RB1CC1: variants seen among roughly 807,000 people sequenced by gnomAD.
RB1CC1 encodes RB1-inducible coiled-coil protein 1.
RB1CC1 carries 46 observed loss-of-function variants against 177.5 expected under a neutral mutation model. The observed-to-expected ratio is 0.26, with a 90% CI of 0.20 to 0.33. The LOEUF (loss-of-function observed/expected upper bound fraction) is 0.33, where lower values mean the gene tolerates loss of function less well. Among genes scored for constraint, RB1CC1 ranks in the 10% least tolerant of loss-of-function variants. The pLI, the probability that RB1CC1 is intolerant of heterozygous loss-of-function variation, is 1.00. For synonymous variants in RB1CC1, 666 were observed against 613.6 expected (o/e 1.09, Z -1.26); for missense variants, 1,703 against 1,816.3 (o/e 0.94, Z 1.13).
intron 1 of RB1CC1, among the ~76,000 whole-genome samples, chr8:52,690,670 ATTGTT>A (rs1854769250): frequency 6.6e-6 from 1 of 152,104 alleles, no homozygotes; most frequent in Admixed American, 6.6e-5. Flanking sequence ...TAATCACTGT[ATTGTT>A]TTTTGTTTTC....
intron 7 of RB1CC1, among the ~76,000 whole-genome samples, chr8:52,673,173 CT>C (rs548944809): frequency 6.6e-6 from 1 of 152,168 alleles, no homozygotes; most frequent in Admixed American, 6.5e-5. Context: ...TAACAATTAT[CT>C]TTTGACAACA....
intron 22 of RB1CC1, among the ~76,000 whole-genome samples, chr8:52,626,947 C>G (rs1415257082): frequency 1.3e-5 from 2 of 152,148 alleles, no homozygotes; most frequent in Admixed American, 6.5e-5. Context: ...CCCAGCTACT[C>G]AGGAGGCTGA....
intron 13 of RB1CC1, 126 bp downstream of exon 13, chr8:52,658,747 G>A (rs1851325276): frequency 5.7e-6 from 3 of 529,730 alleles, no homozygotes; most frequent in Non-Finnish European, 9.3e-6. Context: ...TCACAGGAAA[G>A]CCAGTCTATC....
At chr8:52,691,121 T>C (rs1266690548) in intron 1 of RB1CC1, among the ~76,000 whole-genome samples, 7 of 152,230 alleles carry the variant, frequency 4.6e-5, no homozygotes. Flanking sequence ...GATCATCATA[T>C]TGCTTTTAGC....
intron 16 of RB1CC1, 146 bp from the exon 17 acceptor site, chr8:52,642,958 A>T: frequency 1.1e-6 from 1 of 935,952 alleles, no homozygotes; most frequent in Non-Finnish European, 1.4e-6. Context: ...TAAAAATGAA[A>T]ATGTAACATA....
intron 15 of RB1CC1, among the ~76,000 whole-genome samples, chr8:52,648,107 A>T (rs1366627707): frequency 6.6e-6 from 1 of 152,182 alleles, no homozygotes; most frequent in Non-Finnish European, 1.5e-5. Flanking sequence ...GTACACAAAC[A>T]GATATAGACA....
chr8:52,685,124 C>G (rs1309432251), intron 3 of RB1CC1, among the ~76,000 whole-genome samples: 3 of 151,462 alleles, frequency 2.0e-5, no homozygotes, highest in African/African-American at 7.3e-5. Context: ...CTGCCTCAGC[C>G]TCCCGATTAA....
rs191938044 is a variant in RB1CC1, at chr8:52,657,587, G to T, written c.2242C>A (p.Pro748Thr). The change falls in exon 15 of 24, where the codon CCT becomes ACT. Residue 748 changes from proline to threonine, a missense_variant. By Grantham distance (38) the Pro-to-Thr change is conservative. This residue lies in a region of RB1CC1 where 1,169 missense variants were observed against 1,184.7 expected (regional missense o/e 0.99). Transcript: ENST00000025008. ...EFVIEENLSS[P>T]NPISDPQSPE... ...CTTTGTGGATCACTTATAGGATTAGGAGACGACAAATTTTCTTCTATTACA... is the reference window on the plus strand; with the variant it reads ...CTTTGTGGATCACTTATAGGATTAGTAGACGACAAATTTTCTTCTATTACA... 1 of 1,613,918 alleles carries T rather than the reference G, an allele frequency of 6.2e-7. No individual in the cohort carries two copies. Among genetic ancestry groups the T allele is most frequent in the African/African-American group, 1.3e-5 (1 of 74,916 alleles).
At chr8:52,633,912 A>T (rs762935108) in intron 20 of RB1CC1, among the ~76,000 whole-genome samples, 2 of 152,116 alleles carry the variant, frequency 1.3e-5, no homozygotes, top group African/African-American at 2.4e-5. Flanking sequence ...AAGATGGTGA[A>T]ACCCCATCTC....
At chr8:52,623,954 C>A in intron 23 of RB1CC1, 95 bp from the exon 24 acceptor site, 2 of 814,720 alleles carry the variant, frequency 2.5e-6, no homozygotes, top group South Asian at 1.5e-5. Flanking sequence ...CAAAAAGAAA[C>A]AAAAAAATAA....
At chr8:52,677,658 A>C (rs942746708) in intron 5 of RB1CC1, among the ~76,000 whole-genome samples, 3 of 152,204 alleles carry the variant, frequency 2.0e-5, no homozygotes, top group African/African-American at 4.8e-5. Context: ...ACTGTAAAAA[A>C]GCTACTGTAA....
chr8:52,675,175 T>C (rs1291863824), intron 6 of RB1CC1, among the ~76,000 whole-genome samples: 3 of 152,156 alleles, frequency 2.0e-5, no homozygotes, highest in Non-Finnish European at 2.9e-5. Context: ...AAAAGATCTT[T>C]CTAGTCTTAA....
At chr8:52,637,351 G>C (rs537069535) in intron 18 of RB1CC1, among the ~76,000 whole-genome samples, 58 of 152,146 alleles carry the variant, frequency 3.8e-4, no homozygotes, top group African/African-American at 1.3e-3. Flanking sequence ...CTCATTTTTG[G>C]ATGATTCATT....
intron 1 of RB1CC1, among the ~76,000 whole-genome samples, chr8:52,703,057 T>C (rs2360753): frequency 0.44 from 67,550 of 151,808 alleles, 16,473 homozygotes; most frequent in East Asian, 0.83. Context: ...AGAGATCACA[T>C]GCAGGTAGCT....
At chr8:52,645,298 GA>G (rs965260080) in intron 16 of RB1CC1, among the ~76,000 whole-genome samples, 21 of 152,094 alleles carry the variant, frequency 1.4e-4, no homozygotes, top group Non-Finnish European at 2.5e-4. Flanking sequence ...GAAGCTTAGA[GA>G]AAAAATAAAA....
At chr8:52,710,901 T>C (rs1465858577) in intron 1 of RB1CC1, among the ~76,000 whole-genome samples, 1 of 152,158 alleles carries the variant, frequency 6.6e-6, no homozygotes, top group African/African-American at 2.4e-5. Context: ...TAATATAATA[T>C]GGTATTGAAT....
At chr8:52,632,725 G>C (rs1848855931) in intron 20 of RB1CC1, among the ~76,000 whole-genome samples, 1 of 152,130 alleles carries the variant, frequency 6.6e-6, no homozygotes, top group African/African-American at 2.4e-5. Flanking sequence ...CTAAGGAAAA[G>C]GGAGGTCAAG....
chr8:52,645,880 A>G lies in RB1CC1; in HGVS notation c.3822-13T>C. 6.3e-7 allele frequency: 1 copy of G among 1,576,244 alleles called. No individual in the cohort carries two copies. The highest frequency in any genetic ancestry group is 8.5e-7 in the Non-Finnish European group (1 of 1,170,024). On this transcript the variant is annotated splice_polypyrimidine_tract_variant and intron_variant, in intron 15 of 23. Coordinates refer to ENST00000025008, the MANE Select transcript of RB1CC1 (RefSeq NM_014781.5). ...GTCAATGGCAGGACTTACAAATTAA[A>G]TACAGCATTAAATTAAAAAAAAAAT...
intron 19 of RB1CC1, among the ~76,000 whole-genome samples, chr8:52,635,200 G>A (rs941724001): frequency 2.6e-5 from 4 of 152,110 alleles, no homozygotes; most frequent in Admixed American, 6.5e-5. Context: ...ATTAATATGC[G>A]TTAGAAACAC....
Sources: gnomAD v4.1 joint callset for allele counts (sites outside exome capture counted in the v4.1 genomes callset) on GRCh38, gnomAD v4.1.1 for gene constraint, gnomAD v4.1.1 regional missense constraint, MANE v1.5 for transcripts, NCBI Gene and HGNC (gene_info 2026-07-23, HGNC 2026-07-21) for gene names.